EXOC4: variants seen among roughly 807,000 people sequenced by gnomAD.
EXOC4 encodes the protein SEC8-like 1.
A neutral mutation model predicts 107.2 loss-of-function variants in EXOC4; 71 were observed. The ratio of observed to expected loss-of-function variants is 0.66; its 90% CI spans 0.55 to 0.81. The LOEUF is 0.81. EXOC4 is among the 30% of genes least tolerant of loss of function. The probability of loss-of-function intolerance (pLI) is 0.00; values close to 1 mark genes in which losing one functional copy is unlikely to be tolerated. For synonymous variants in EXOC4, 456 were observed against 441.2 expected (o/e 1.03, Z -0.42); for missense variants, 1,108 against 1,189.6 (o/e 0.93, Z 1.01).
intron 9 of EXOC4, among the ~76,000 whole-genome samples, chr7:133,485,208 C>T (rs1799248533): frequency 6.6e-6 from 1 of 151,894 alleles, no homozygotes; most frequent in Non-Finnish European, 1.5e-5. Flanking sequence ...CGTTACTTCC[C>T]ATTTTCTCTT....
intron 7 of EXOC4, among the ~76,000 whole-genome samples, chr7:133,419,768 T>A (rs749799293): frequency 3.3e-5 from 5 of 152,166 alleles, no homozygotes; most frequent in Non-Finnish European, 5.9e-5. Context: ...ATTATTTTCC[T>A]ATGGCTGCCT....
chr7:134,030,726 C>T (rs1259634506), intron 17 of EXOC4, among the ~76,000 whole-genome samples: 3 of 141,062 alleles, frequency 2.1e-5, no homozygotes, highest in Admixed American at 7.4e-5. Flanking sequence ...GTCCTGCACA[C>T]GACTGATCAA....
chr7:133,852,663 G>A (rs1798260489), intron 11 of EXOC4, among the ~76,000 whole-genome samples: 1 of 152,162 alleles, frequency 6.6e-6, no homozygotes, highest in African/African-American at 2.4e-5. Flanking sequence ...CCCAAGGGAT[G>A]ATTGAAGTTT....
intron 7 of EXOC4, among the ~76,000 whole-genome samples, chr7:133,435,902 A>G (rs1375346338): frequency 6.6e-6 from 1 of 152,186 alleles, no homozygotes; most frequent in East Asian, 1.9e-4. Context: ...TTCTTTTGAT[A>G]CTGAAGCAAG....
At chr7:133,748,559 T>C (rs1178454686) in intron 10 of EXOC4, among the ~76,000 whole-genome samples, 1 of 152,184 alleles carries the variant, frequency 6.6e-6, no homozygotes, top group Non-Finnish European at 1.5e-5. Context: ...ATTTTATTTA[T>C]GGCTATGATT....
intron 3 of EXOC4, among the ~76,000 whole-genome samples, chr7:133,299,881 C>G (rs897885268): frequency 6.6e-6 from 1 of 152,174 alleles, no homozygotes; most frequent in Non-Finnish European, 1.5e-5. Context: ...CTTCTCCTCT[C>G]TTTGTTAATG....
intron 10 of EXOC4, among the ~76,000 whole-genome samples, chr7:133,802,001 A>C (rs1300780072): frequency 6.6e-6 from 1 of 152,220 alleles, no homozygotes; most frequent in Non-Finnish European, 1.5e-5. Context: ...ACTTAGTTAT[A>C]AAAAATAAGC....
chr7:133,719,177 T>C (rs2151104294), intron 10 of EXOC4, among the ~76,000 whole-genome samples: 2 of 152,314 alleles, frequency 1.3e-5, no homozygotes, highest in Middle Eastern at 6.8e-3. Flanking sequence ...GCAGTTTCCC[T>C]GCACAAACTT....
intron 2 of EXOC4, among the ~76,000 whole-genome samples, chr7:133,283,086 A>G (rs1334097404): frequency 3.3e-5 from 5 of 152,234 alleles, no homozygotes; most frequent in African/African-American, 7.2e-5. Context: ...CCAGGTTCAT[A>G]TGTGTTGTTG....
chr7:133,724,198 T>C (rs1399504166), intron 10 of EXOC4, among the ~76,000 whole-genome samples: 1 of 152,218 alleles, frequency 6.6e-6, no homozygotes, highest in Admixed American at 6.5e-5. Flanking sequence ...GATCTGGTTT[T>C]CCCAGGCTGA....
At chr7:133,517,535 G>A (rs1471731008) in intron 9 of EXOC4, among the ~76,000 whole-genome samples, 1 of 152,152 alleles carries the variant, frequency 6.6e-6, no homozygotes, top group Non-Finnish European at 1.5e-5. Context: ...TGGCTGGGGA[G>A]GCCTCACAAT....
chr7:133,461,501 A>G (rs577552319), intron 7 of EXOC4, among the ~76,000 whole-genome samples: 54 of 152,356 alleles, frequency 3.5e-4, no homozygotes, highest in Non-Finnish European at 5.9e-4. Context: ...GATAAACAAT[A>G]TAAAATCATC....
At chr7:133,794,958 A>G (rs1040926584) in intron 10 of EXOC4, among the ~76,000 whole-genome samples, 1 of 151,286 alleles carries the variant, frequency 6.6e-6, no homozygotes, top group African/African-American at 2.4e-5. Flanking sequence ...CCACCCCACA[A>G]CAGGCCCCGG....
the EXOC4 span, among the ~76,000 whole-genome samples, chr7:134,080,317 C>T: frequency 6.6e-6 from 1 of 152,188 alleles, no homozygotes. Context: ...TCCATGCTTA[C>T]TGAAGGGACT....
intron 10 of EXOC4, among the ~76,000 whole-genome samples, chr7:133,770,618 T>C (rs1283704587): frequency 6.6e-6 from 1 of 151,906 alleles, no homozygotes; most frequent in Non-Finnish European, 1.5e-5. Context: ...CATATACATA[T>C]GTATATGTCC....
the EXOC4 span, among the ~76,000 whole-genome samples, chr7:134,097,278 G>C: frequency 1.3e-5 from 2 of 151,836 alleles, no homozygotes; most frequent in African/African-American, 2.4e-5. Context: ...GTCTCAGACT[G>C]TCTCTCCCAG....
intron 9 of EXOC4, among the ~76,000 whole-genome samples, chr7:133,581,710 A>G (rs905919955): frequency 2.9e-5 from 4 of 139,574 alleles, no homozygotes; most frequent in Admixed American, 2.2e-4. Context: ...GTGAGCCGGG[A>G]TAGCGCCACT....
intron 9 of EXOC4, among the ~76,000 whole-genome samples, chr7:133,531,801 T>C (rs890378314): frequency 6.6e-6 from 1 of 152,112 alleles, no homozygotes; most frequent in Non-Finnish European, 1.5e-5. Flanking sequence ...TTTTGAATTG[T>C]TTTTAGAAAT....
chr7:133,519,560 G>A (rs1244741956), intron 9 of EXOC4, among the ~76,000 whole-genome samples: 8 of 151,870 alleles, frequency 5.3e-5, no homozygotes, highest in Non-Finnish European at 8.8e-5. Flanking sequence ...ATAAAAACAG[G>A]TATGTACTGC....
Sources: gnomAD v4.1 joint callset for allele counts (sites outside exome capture counted in the v4.1 genomes callset) on GRCh38, gnomAD v4.1.1 for gene constraint, MANE v1.5 for transcripts, NCBI Gene and HGNC (gene_info 2026-07-23, HGNC 2026-07-21) for gene names.